Variants in ARHGEF16 observed in about 807,000 individuals in gnomAD.
The protein encoded by ARHGEF16 is Rho guanine exchange factor (GEF) 16.
A neutral mutation model predicts 74.1 loss-of-function variants in ARHGEF16; 59 were observed. The ratio of observed to expected loss-of-function variants is 0.80; its 90% CI spans 0.65 to 0.99. The LOEUF (loss-of-function observed/expected upper bound fraction) is 0.99, where lower values mean the gene tolerates loss of function less well. Ranked by LOEUF, ARHGEF16 falls within the 50% of genes least tolerant of loss-of-function variation. The pLI, the probability that ARHGEF16 is intolerant of heterozygous loss-of-function variation, is 0.00. For synonymous variants in ARHGEF16, 415 were observed against 412.6 expected (o/e 1.01, Z -0.07); for missense variants, 948 against 986.6 (o/e 0.96, Z 0.52).
intron 8 of ARHGEF16, 93 bp downstream of exon 8, chr1:3,473,615 C>T (rs766524666): frequency 6.4e-6 from 10 of 1,562,370 alleles, no homozygotes; most frequent in African/African-American, 2.7e-5. Context: ...GTGCTTGTGA[C>T]CTTCTCCTCC....
chr1:3,459,161 ACAAT>A (rs1447113554), intron 1 of ARHGEF16, among the ~76,000 whole-genome samples: 1 of 152,156 alleles, frequency 6.6e-6, no homozygotes, highest in African/African-American at 2.4e-5. Flanking sequence ...CATCAGCACG[ACAAT>A]CAGAGCTCCC....
Position 3,466,185 on chromosome 1 carries a change from T to C in ARHGEF16, c.626T>C (p.Phe209Ser), listed in dbSNP as rs1639538340. ...LGRKRGHKGS[F>S]KDDPQLYQEI... is the part of the protein sequence containing the mutation. ...AGGAAACGTGGGCACAAGGGTTCCT[T>C]CAAGGACGGTGAGTGTGGCTTCGGG... Residue 209 changes from phenylalanine to serine, a missense_variant, in exon 3 of 15, where the codon TTC becomes TCC. Phe to Ser is a radical substitution (Grantham distance 155). Transcript: ENST00000378378. 1 of 1,543,990 alleles carries C rather than the reference T, an allele frequency of 6.5e-7. No individual in the cohort carries two copies. The highest frequency in any genetic ancestry group is 2.0e-5 in the Admixed American group (1 of 49,480).
In ARHGEF16 at chr1:3,455,941, G is replaced by A. The variant is rs1319698787; in HGVS notation, c.-20+1130G>A. Among the ~76,000 whole-genome samples, 4 of 152,318 alleles carry A rather than the reference G, an allele frequency of 2.6e-5. 1 individual carries two copies. The highest frequency in any genetic ancestry group is 2.6e-4 in the Admixed American group (4 of 15,308). On this transcript the variant is annotated intron_variant, in intron 1 of 14. Coordinates refer to ENST00000378378, the MANE Select transcript of ARHGEF16 (RefSeq NM_014448.4). ...TGCGATGCCCACAGCCAGCAGAGGG[G>A]AACAGGGTGAGATGAAAGGTACTGT...
intron 8 of ARHGEF16, chr1:3,473,842 C>T (rs1368482454): frequency 2.4e-6 from 1 of 421,354 alleles, no homozygotes; most frequent in Non-Finnish European, 4.3e-6. Context: ...TCCTCCCAGC[C>T]CCCACCCCAC....
intron 6 of ARHGEF16, among the ~76,000 whole-genome samples, chr1:3,472,000 G>A (rs551410828): frequency 6.6e-6 from 1 of 152,342 alleles, no homozygotes; most frequent in African/African-American, 2.4e-5. Flanking sequence ...GCAGCTGTCA[G>A]GACACTCTCC....
chr1:3,474,910 T>G, intron 9 of ARHGEF16, 128 bp downstream of exon 9: 1 of 783,294 alleles, frequency 1.3e-6, no homozygotes, highest in African/African-American at 1.8e-5. Flanking sequence ...TGTTCTCAGA[T>G]TATCCATCCC....
chr1:3,466,173 A>G lies in ARHGEF16; in HGVS notation c.614A>G (p.His205Arg). 1 of 1,546,124 alleles carries G rather than the reference A, an allele frequency of 6.5e-7. No homozygotes were observed. Among genetic ancestry groups the G allele is most frequent in the Non-Finnish European group, 8.7e-7 (1 of 1,145,092 alleles). The change falls in exon 3 of 15, where the codon CAC becomes CGC. Residue 205 changes from histidine to arginine, a missense_variant. His to Arg is a conservative substitution (Grantham distance 29). Transcript: ENST00000378378. ...NKKTLGRKRG[H>R]KGSFKDDPQL... is the part of the protein sequence containing the mutation. ...AAGACGCTGGGGAGGAAACGTGGGC[A>G]CAAGGGTTCCTTCAAGGACGGTGAG...
At chr1:3,477,311 C>T in intron 10 of ARHGEF16, among the ~76,000 whole-genome samples, 1 of 151,650 alleles carries the variant, frequency 6.6e-6, no homozygotes, top group African/African-American at 2.4e-5. Context: ...CCGTCACCCC[C>T]ACACTACCCA....
At chr1:3,469,047 C>A in intron 5 of ARHGEF16, 111 bp downstream of exon 5, 2 of 1,317,994 alleles carry the variant, frequency 1.5e-6, no homozygotes, top group Non-Finnish European at 2.1e-6. Flanking sequence ...GCGGCCACCT[C>A]CAGTGCCAGG....
intron 10 of ARHGEF16, 33 bp downstream of exon 10, chr1:3,476,095 C>A: frequency 6.5e-7 from 1 of 1,541,490 alleles, no homozygotes; most frequent in Non-Finnish European, 8.8e-7. Context: ...GCCACTCGGA[C>A]CACTTCCCAC....
In ARHGEF16 at chr1:3,478,492, C is replaced by A. The variant is rs375250490; in HGVS notation, c.1694C>A (p.Ser565Tyr). Residue 565 changes from serine (S) to tyrosine (Y), a missense_variant, in exon 12 of 15, where the codon TCT becomes TAT. Ser to Tyr is a moderately radical substitution (Grantham distance 144). Coordinates refer to ENST00000378378, the MANE Select transcript of ARHGEF16 (RefSeq NM_014448.4). ...ATCCAGGTGGAGAAGATAGAGCCGT[C>A]TGAGCTCCCTCTGCCCGGGGGCGGC... ...NHIQVEKIEP[S>Y]ELPLPGGGNR... 6.2e-7 allele frequency: 1 copy of A among 1,612,654 alleles called. No homozygotes were observed. Among genetic ancestry groups the A allele is most frequent in the Non-Finnish European group, 8.5e-7 (1 of 1,179,850 alleles).
intron 12 of ARHGEF16, among the ~76,000 whole-genome samples, chr1:3,478,896 A>G (rs1320170096): frequency 6.6e-6 from 1 of 152,006 alleles, no homozygotes; most frequent in African/African-American, 2.4e-5. Flanking sequence ...TGCCGTGAGG[A>G]AAGCTTAGCC....
chr1:3,470,800 A>G (rs1213066554), intron 6 of ARHGEF16, among the ~76,000 whole-genome samples: 1 of 113,978 alleles, frequency 8.8e-6, no homozygotes, highest in Non-Finnish European at 1.8e-5. Context: ...GTGTGTATGC[A>G]TGGGTGTATG....
chr1:3,478,960 C>T (rs985232274), intron 12 of ARHGEF16, among the ~76,000 whole-genome samples: 4 of 150,530 alleles, frequency 2.7e-5, no homozygotes, highest in Admixed American at 6.6e-5. Context: ...GCAGAGGCCC[C>T]GAGGCAGGAG....
At chr1:3,470,213 G>A (rs971677990) in intron 6 of ARHGEF16, among the ~76,000 whole-genome samples, 1 of 151,558 alleles carries the variant, frequency 6.6e-6, no homozygotes, top group Non-Finnish European at 1.5e-5. Flanking sequence ...AGGGTGGCTC[G>A]GGAGCATCCA....
At chr1:3,474,567 C>A (rs575730531) in intron 8 of ARHGEF16, 141 bp from the exon 9 acceptor site, 13 of 720,344 alleles carry the variant, frequency 1.8e-5, no homozygotes, top group Non-Finnish European at 2.9e-5. Flanking sequence ...AGGGGCTGTA[C>A]GTGCTGTGGG....
Position 3,469,447 on chromosome 1 carries a change from C to G in ARHGEF16, c.876C>G (p.Ile292Met), listed in dbSNP as rs764731212. 5.6e-6 allele frequency: 9 copies of G among 1,612,876 alleles called. No individual in the cohort carries two copies. The highest frequency in any genetic ancestry group is 7.6e-6 in the Non-Finnish European group (9 of 1,179,968). ...CCTCTCCACAGGCCATGTTCGAGAT[C>G]CTCACGTCGGAGTTCTCCTACCAGC... ...ERKRQEAMFE[I>M]LTSEFSYQHS... Residue 292 changes from isoleucine to methionine, a missense_variant, in exon 6 of 15, where the codon ATC becomes ATG. Ile to Met is a conservative substitution (Grantham distance 10). Coordinates refer to ENST00000378378, the MANE Select transcript of ARHGEF16 (RefSeq NM_014448.4).
rs142202998 is a variant in ARHGEF16 at position 3,478,603 on chromosome 1, C to T, written c.1805C>T (p.Ser602Leu). Residue 602 changes from serine (S) to leucine (L), a missense_variant, in exon 12 of 15, where the codon TCG becomes TTG. Ser to Leu is a moderately radical substitution (Grantham distance 145). Coordinates refer to ENST00000378378, the MANE Select transcript of ARHGEF16 (RefSeq NM_014448.4). ...EGRQEQLLLSSDSASDRARWI... is the reference protein window; with the variant it reads ...EGRQEQLLLSLDSASDRARWI... ...CGCCAGGAGCAGCTCCTGCTCTCCT[C>T]GGACTCCGCGTAAGTGGGCTCCCGG... 49 of 1,609,038 alleles carry T rather than the reference C, an allele frequency of 3.0e-5. No homozygotes were observed. The East Asian group carries it at 9.8e-4, about 32-fold the overall frequency.
At chr1:3,472,215 G>A (rs1035259953) in intron 6 of ARHGEF16, among the ~76,000 whole-genome samples, 10 of 152,226 alleles carry the variant, frequency 6.6e-5, no homozygotes, top group East Asian at 5.8e-4. Context: ...CAGGATGGAC[G>A]AGGCTCCAGC....
Sources: gnomAD v4.1 joint callset for allele counts (sites outside exome capture counted in the v4.1 genomes callset) on GRCh38, gnomAD v4.1.1 for gene constraint, MANE v1.5 for transcripts, NCBI Gene and HGNC (gene_info 2026-07-23, HGNC 2026-07-21) for gene names.